The following WNT9B variants were observed in gnomAD, a reference collection of about 807,000 sequenced individuals.
WNT9B encodes protein Wnt-9b.
Under a neutral mutation model 30.2 loss-of-function variants are expected in WNT9B, and 12 were observed. The ratio of observed to expected loss-of-function variants is 0.40; its 90% CI spans 0.26 to 0.64. The LOEUF (loss-of-function observed/expected upper bound fraction) is 0.64, where lower values mean the gene tolerates loss of function less well. Ranked by LOEUF, WNT9B falls within the 30% of genes least tolerant of loss-of-function variation. The probability of loss-of-function intolerance (pLI) is 0.42; values close to 1 mark genes in which losing one functional copy is unlikely to be tolerated. For synonymous variants in WNT9B, 218 were observed against 216.9 expected, an observed-to-expected ratio of 1.01 and a Z score of -0.05; for missense variants, 442 against 485.2, an observed-to-expected ratio of 0.91 and a Z score of 0.84.
At chr17:46,862,136 C>A (rs2085048862) in intron 1 of WNT9B, among the ~76,000 whole-genome samples, 1 of 141,394 alleles carries the variant, frequency 7.1e-6, no homozygotes, top group African/African-American at 2.6e-5. Context: ...GCACTGAAGC[C>A]TGGGCAACAA....
chr17:46,883,805 CCT>C (rs1184557869), downstream of WNT9B, among the ~76,000 whole-genome samples: 2 of 152,090 alleles, frequency 1.3e-5, no homozygotes, highest in Non-Finnish European at 2.9e-5. Flanking sequence ...CTTGTCTTCT[CCT>C]CTCTCTCTTT....
intron 1 of WNT9B, among the ~76,000 whole-genome samples, chr17:46,865,856 C>T (rs999199487): frequency 2.0e-5 from 3 of 152,184 alleles, no homozygotes; most frequent in Non-Finnish European, 4.4e-5. Flanking sequence ...AAGTGATTCA[C>T]CTGCCTTGAC....
chr17:46,857,967 T>C (rs1441174259), intron 1 of WNT9B, among the ~76,000 whole-genome samples: 1 of 152,208 alleles, frequency 6.6e-6, no homozygotes, highest in Admixed American at 6.5e-5. Context: ...TCTCACTCTG[T>C]ATCCCAGGCT....
intron 1 of WNT9B, among the ~76,000 whole-genome samples, chr17:46,858,208 G>T (rs979933896): frequency 1.8e-4 from 28 of 152,216 alleles, no homozygotes; most frequent in Admixed American, 1.8e-3. Context: ...GGGATTACAG[G>T]CGTGAGCCAC....
At chr17:46,866,698 G>A (rs533073343) in intron 1 of WNT9B, among the ~76,000 whole-genome samples, 15 of 152,190 alleles carry the variant, frequency 9.9e-5, no homozygotes, top group Middle Eastern at 6.8e-3. Context: ...TGGCCCTGGC[G>A]TAATGCACTA....
intron 1 of WNT9B, among the ~76,000 whole-genome samples, chr17:46,861,820 C>G (rs934101894): frequency 6.6e-6 from 1 of 152,220 alleles, no homozygotes; most frequent in Non-Finnish European, 1.5e-5. Flanking sequence ...CCTGGTGTTA[C>G]AATCCCTTTG....
chr17:46,845,582 T>C (rs2084766620), intron 1 of WNT9B, among the ~76,000 whole-genome samples: 1 of 149,386 alleles, frequency 6.7e-6, no homozygotes, highest in African/African-American at 2.5e-5. Flanking sequence ...CTCTGCCTCC[T>C]GGGTTCAAAC....
chr17:46,843,436 G>GA (rs200607090), intron 1 of WNT9B, among the ~76,000 whole-genome samples: 141 of 149,920 alleles, frequency 9.4e-4, no homozygotes, highest in African/African-American at 2.8e-3. Context: ...AAGAAGGACT[G>GA]AAAAAAAAAA....
intron 1 of WNT9B, among the ~76,000 whole-genome samples, chr17:46,860,858 C>CT (rs374919523): frequency 0.016 from 2,433 of 151,690 alleles, 73 homozygotes; most frequent in African/African-American, 0.057. Context: ...TAAAATTTCA[C>CT]TTTTTTTTTA....
upstream of WNT9B, among the ~76,000 whole-genome samples, chr17:46,850,725 G>A (rs905219452): frequency 5.9e-5 from 9 of 152,102 alleles, no homozygotes; most frequent in African/African-American, 2.2e-4. Flanking sequence ...GCAGAAATTG[G>A]GGTTAAACTT....
At chr17:46,853,695 T>A (rs1462086259) in intron 1 of WNT9B, among the ~76,000 whole-genome samples, 2 of 152,110 alleles carry the variant, frequency 1.3e-5, no homozygotes, top group Non-Finnish European at 1.5e-5. Context: ...AAACCAGTTA[T>A]AGAATCTTGA....
In WNT9B at chr17:46,877,204, T is replaced by C. The variant is rs2085360142; in HGVS notation, c.*486T>C. 1.3e-5 allele frequency: 6 copies of C among 447,888 alleles called. No individual in the cohort carries two copies. The highest frequency in any genetic ancestry group is 1.8e-5 in the Non-Finnish European group (6 of 338,962). 27.7% of individuals were successfully genotyped at this position (447,888 alleles called of 1,614,324 possible). On this transcript the variant is annotated 3_prime_UTR_variant, in exon 4 of 4. Coordinates refer to ENST00000290015, the MANE Select transcript of WNT9B (RefSeq NM_003396.3). Reference sequence around the variant, plus strand: ...GGTCAATCGGGTCCTGTGGCCCTGCTCAGGTGCAGTGGGCTCCAGGTGTCA... The same window carrying C: ...GGTCAATCGGGTCCTGTGGCCCTGCCCAGGTGCAGTGGGCTCCAGGTGTCA...
chr17:46,838,837 C>T (rs2084664761), intron 1 of WNT9B, among the ~76,000 whole-genome samples: 2 of 152,016 alleles, frequency 1.3e-5, no homozygotes, highest in Non-Finnish European at 2.9e-5. Flanking sequence ...GATTACTCAC[C>T]ATATAAAATG....
At chr17:46,833,435 CAGA>C (rs779762310) in exon 1 of WNT9B, 2 of 515,638 alleles carry the variant, frequency 3.9e-6, no homozygotes, top group Non-Finnish European at 7.7e-6. Flanking sequence ...TAAGAAGAAT[CAGA>C]AGGTGAGTGT....
intron 1 of WNT9B, among the ~76,000 whole-genome samples, chr17:46,868,616 A>G (rs540537712): frequency 6.6e-6 from 1 of 152,066 alleles, no homozygotes; most frequent in Non-Finnish European, 1.5e-5. Flanking sequence ...AAAACAAAAC[A>G]AAACAAAAAC....
chr17:46,885,447 C>T (rs941981185), downstream of WNT9B: 10 of 159,548 alleles, frequency 6.3e-5, no homozygotes, highest in Non-Finnish European at 8.2e-5. Context: ...GGACTACAGG[C>T]GTGCACCACC....
chr17:46,872,544 C>T lies in WNT9B; in HGVS notation c.105C>T (p.Pro35=). ...FGLTGREVLT[P]FPGLGTAAAP... ...TGACCGGGCGGGAAGTCCTGACGCCCTTCCCAGGATTGGGCACTGCGGCAG... is the reference window on the plus strand; with the variant it reads ...TGACCGGGCGGGAAGTCCTGACGCCTTTCCCAGGATTGGGCACTGCGGCAG... Residue 35 remains proline, a synonymous_variant, in exon 2 of 4, where the codon CCC becomes CCT. Coordinates refer to ENST00000290015, the MANE Select transcript of WNT9B (RefSeq NM_003396.3). 1 of 1,564,966 alleles carries T rather than the reference C, an allele frequency of 6.4e-7. No individual in the cohort carries two copies. The highest frequency in any genetic ancestry group is 8.7e-7 in the Non-Finnish European group (1 of 1,153,030).
rs35196121 is a variant in WNT9B at position 46,857,474 on chromosome 17, C to CAAAA, written c.77+5778_77+5781dup. On this transcript the variant is annotated intron_variant, in intron 1 of 3. Transcript: ENST00000290015. ...TGGGCAACAGAGCAAGACTCTGTCT[C>CAAAA]AAAAAAAAAAAAAAAAAAAAAAGAT... 6.9e-3 allele frequency among the ~76,000 whole-genome samples: 652 copies of CAAAA among 94,620 alleles called. 10 individuals are homozygous for CAAAA. Among genetic ancestry groups the CAAAA allele is most frequent in the African/African-American group, 0.021 (599 of 29,122 alleles). The allele number at this position is 94,620 out of a possible 152,430, so 62.1% of individuals were successfully genotyped here.
intron 1 of WNT9B, among the ~76,000 whole-genome samples, chr17:46,841,106 C>T (rs994668573): frequency 1.3e-5 from 2 of 152,104 alleles, no homozygotes; most frequent in South Asian, 2.1e-4. Context: ...AAGAGGGTGC[C>T]GACAGACAAG....
Sources: allele counts gnomAD v4.1 joint callset (sites outside exome capture counted in the v4.1 genomes callset), GRCh38; gene constraint gnomAD v4.1.1; transcripts MANE v1.5; gene names NCBI Gene and HGNC (gene_info 2026-07-23, HGNC 2026-07-21).